CENPE: variants seen among roughly 807,000 people sequenced by gnomAD.
CENPE encodes centromere-associated protein E.
In CENPE, 145 loss-of-function variants were observed where a neutral mutation model predicts 336.1. The ratio of observed to expected loss-of-function variants is 0.43; its 90% confidence interval spans 0.38 to 0.50. The LOEUF (loss-of-function observed/expected upper bound fraction) is 0.50. Among genes scored for constraint, CENPE ranks in the 20% least tolerant of loss-of-function variants. The pLI is 0.00. For synonymous variants in CENPE, 1,013 were observed against 984.8 expected, an observed-to-expected ratio of 1.03 and a Z score of -0.54; for missense variants, 2,719 against 3,023.3, an observed-to-expected ratio of 0.90 and a Z score of 2.36.
At chr4:103,110,169 T>A (rs1336823567) in intron 47 of CENPE, among the ~76,000 whole-genome samples, 1 of 152,172 alleles carries the variant, frequency 6.6e-6, no homozygotes, top group African/African-American at 2.4e-5. Flanking sequence ...CGGAAATCTT[T>A]TGGGTTCCCA....
intron 47 of CENPE, 88 bp from the exon 48 acceptor site, chr4:103,109,177 T>C (rs1485998489): frequency 3.9e-6 from 4 of 1,032,054 alleles, no homozygotes; most frequent in Non-Finnish European, 5.4e-6. Flanking sequence ...TAAAAATAAA[T>C]TGTGATGAAA....
At position 103,120,193 on chromosome 4, in the gene CENPE, T is replaced by C. The variant is rs377592432; in HGVS notation, c.7284A>G (p.Ser2428=). ...IAKLQAKVHE[S]NKCLEKTKET... is the part of the protein sequence containing the mutation. ...CTTTTGTTTTTTCAAGGCATTTATTTGATTCATGAACTTTGGCTTGAAGTT... is the reference window on the plus strand; with the variant it reads ...CTTTTGTTTTTTCAAGGCATTTATTCGATTCATGAACTTTGGCTTGAAGTT... The change falls in exon 44 of 49, where the codon TCA becomes TCG. Residue 2428 remains serine, a synonymous_variant. Coordinates refer to ENST00000265148, the MANE Select transcript of CENPE (RefSeq NM_001813.3). 1 of 1,609,146 alleles carries C rather than the reference T, an allele frequency of 6.2e-7. No homozygotes were observed. The highest frequency in any genetic ancestry group is 1.3e-5 in the African/African-American group (1 of 74,656).
intron 24 of CENPE, among the ~76,000 whole-genome samples, chr4:103,157,059 C>CAAAAAAAAAAA (rs34199706): frequency 1.0e-5 from 1 of 98,034 alleles, no homozygotes; most frequent in Non-Finnish European, 2.1e-5. Context: ...TGGCTACTAT[C>CAAAAAAAAAAA]AAAAAAAAAA....
intron 6 of CENPE, 27 bp downstream of exon 6, chr4:103,194,576 C>A: frequency 6.4e-7 from 1 of 1,566,416 alleles, no homozygotes; most frequent in African/African-American, 1.4e-5. Context: ...TACAAGTGTT[C>A]TAAAGAAATA....
Position 103,139,986 on chromosome 4 carries a change from T to C in CENPE, c.6007A>G (p.Lys2003Glu), listed in dbSNP as rs945594928. The change falls in exon 38 of 49, where the codon AAG becomes GAG. Residue 2003 changes from lysine (K) to glutamate (E), a missense_variant. Lys to Glu is a moderately conservative substitution (Grantham distance 56). Around this residue, in one of 5 missense-constraint regions of CENPE, gnomAD observed 2,437 missense variants for 2,513.3 expected, o/e 0.97. Transcript: ENST00000265148. ...HKKINEMEQL[K>E]KQFEAQNLSM... ...AAGTTTTGGGCCTCAAATTGCTTCT[T>C]CAACTGTTCCATTTCATTAATTTTT... is the stretch of plus-strand genomic sequence containing the variant. The C allele has an allele frequency of 1.2e-5, 19 of 1,613,096 alleles. No individual in the cohort carries two copies. Among genetic ancestry groups the C allele is most frequent in the Non-Finnish European group, 1.5e-5 (18 of 1,179,532 alleles).
chr4:103,131,360 A>C lies in CENPE; in HGVS notation c.6924+1333T>G, dbSNP rs151177910. On this transcript the variant is annotated intron_variant, in intron 42 of 48. Coordinates refer to ENST00000265148, the MANE Select transcript of CENPE (RefSeq NM_001813.3). ...AAAATGTTCAACATCATATGTTATT[A>C]GAGAATTGCAAACTGAATGAGATAC... Among the ~76,000 whole-genome samples the C allele has an allele frequency of 2.4e-3, 363 of 152,330 alleles. 1 individual carries two copies. Among genetic ancestry groups the C allele is most frequent in the Non-Finnish European group, 4.2e-3 (283 of 68,026 alleles).
intron 26 of CENPE, among the ~76,000 whole-genome samples, chr4:103,150,130 A>G (rs1479473359): frequency 3.3e-5 from 5 of 152,244 alleles, no homozygotes; most frequent in Non-Finnish European, 7.3e-5. Flanking sequence ...CACTTCCAAT[A>G]AGATGCTTAT....
At chr4:103,190,433 A>T (rs1263878003) in intron 8 of CENPE, among the ~76,000 whole-genome samples, 1 of 152,238 alleles carries the variant, frequency 6.6e-6, no homozygotes, top group Admixed American at 6.5e-5. Context: ...TGGTACTAGT[A>T]CCAAAACAGA....
At chr4:103,187,259 T>G (rs955452046) in intron 8 of CENPE, among the ~76,000 whole-genome samples, 1 of 152,218 alleles carries the variant, frequency 6.6e-6, no homozygotes. Context: ...CTTGGAGGTT[T>G]GTTCATTACG....
At chr4:103,155,706 A>G (rs1479072783) in intron 24 of CENPE, among the ~76,000 whole-genome samples, 1 of 152,198 alleles carries the variant, frequency 6.6e-6, no homozygotes, top group Non-Finnish European at 1.5e-5. Context: ...GTGAGAGAGA[A>G]GAACTAAAGC....
In CENPE at chr4:103,140,055, G is replaced by T. The variant is rs1242551184; in HGVS notation, c.5938C>A (p.Leu1980Ile). 9.4e-6 allele frequency: 15 copies of T among 1,603,844 alleles called. No homozygotes were observed. Among genetic ancestry groups the T allele is most frequent in the Non-Finnish European group, 1.3e-5 (15 of 1,176,724 alleles). ...KKIQELQKKE[L>I]QLLRVKEDVN... The stretch of plus-strand genomic sequence containing the variant: ...TCTTCTTTCACTCTAAGCAGTTGAA[G>T]TTCTTTTTTCTGAAGTTCTTGGATC... Residue 1980 changes from leucine to isoleucine, a missense_variant, in exon 38 of 49, where the codon CTT becomes ATT. Physicochemically the swap from Leu to Ile is conservative, Grantham distance 5. Coordinates refer to ENST00000265148, the MANE Select transcript of CENPE (RefSeq NM_001813.3).
chr4:103,163,427 TG>T (rs1754628027), intron 17 of CENPE, 51 bp downstream of exon 17: 1 of 1,347,010 alleles, frequency 7.4e-7, no homozygotes, highest in Non-Finnish European at 1.1e-6. Flanking sequence ...ATATGTTGCA[TG>T]TTTTATAGTT....
At chr4:103,140,567 T>A (rs1752461403) in intron 36 of CENPE, among the ~76,000 whole-genome samples, 153 bp from the exon 37 acceptor site, 1 of 152,110 alleles carries the variant, frequency 6.6e-6, no homozygotes, top group African/African-American at 2.4e-5. Context: ...AAAGTAAAAT[T>A]TTCTGCTGGT....
intron 43 of CENPE, 56 bp downstream of exon 43, chr4:103,122,814 CT>C (rs1750753883): frequency 7.7e-7 from 1 of 1,298,278 alleles, no homozygotes. Context: ...TATAATTTTG[CT>C]CTAAACTCTG....
In CENPE at chr4:103,151,198, GA is replaced by G; in HGVS notation, c.3396+20del. On this transcript the variant is annotated intron_variant, in intron 26 of 48. Coordinates refer to ENST00000265148, the MANE Select transcript of CENPE (RefSeq NM_001813.3). ...AGTTTAGTTAGAAAAAATGGCCAGG[GA>G]AATAACTTTAAAAATTCACCTTTTC... 1 of 1,577,838 alleles carries G rather than the reference GA, an allele frequency of 6.3e-7. No homozygotes were observed. The highest frequency in any genetic ancestry group is 8.5e-7 in the Non-Finnish European group (1 of 1,170,652).
At position 103,109,087 on chromosome 4, in the gene CENPE, T is replaced by G. The variant is rs1324565545; in HGVS notation, c.7727A>C (p.Asn2576Thr). Residue 2576 changes from asparagine (N) to threonine (T), a missense_variant and splice_region_variant, in exon 48 of 49, where the codon AAT (asparagine) becomes ACT (threonine). Coordinates refer to ENST00000265148, the MANE Select transcript of CENPE (RefSeq NM_001813.3). Reference protein sequence around the residue: ...LIKQKNELLSNNQHLSNEVKT... With the variant: ...LIKQKNELLSTNQHLSNEVKT... Reference sequence around the variant, plus strand: ...GACCTCATTGGAAAGATGCTGATTATTGCTTAAATGTGGGGGAAGAAAAGA... The same window carrying G: ...GACCTCATTGGAAAGATGCTGATTAGTGCTTAAATGTGGGGGAAGAAAAGA... 3.7e-6 allele frequency: 6 copies of G among 1,605,454 alleles called. No individual in the cohort carries two copies. In the South Asian group the frequency reaches 6.7e-5, roughly 18 times the overall value.
In CENPE at chr4:103,138,293, C is replaced by T. The variant is rs187319523; in HGVS notation, c.6303+58G>A. On this transcript the variant is annotated intron_variant, in intron 39 of 48. Coordinates refer to ENST00000265148, the MANE Select transcript of CENPE (RefSeq NM_001813.3). ...GTTCCTTCAATCCCACTTCAGGTTT[C>T]GGTAAGCCTTTGGAAGACAACCAAT... is the stretch of plus-strand genomic sequence containing the variant. 4.7e-4 allele frequency: 545 copies of T among 1,167,264 alleles called. 6 individuals are homozygous for T. The East Asian group carries it at 6.5e-3, about 14-fold the overall frequency. The allele number at this position is 1,167,264 out of a possible 1,614,324, so 72.3% of individuals were successfully genotyped here. A position where few individuals can be genotyped will look rare whatever the true frequency, so the allele number is the denominator to read the frequency against.
intron 40 of CENPE, among the ~76,000 whole-genome samples, chr4:103,135,617 T>G (rs574069897): frequency 6.6e-6 from 1 of 152,300 alleles, no homozygotes; most frequent in South Asian, 2.1e-4. Context: ...CCACTGTAAC[T>G]GCCTCTTATT....
In CENPE at chr4:103,110,955, C is replaced by T. The variant is rs768814450; in HGVS notation, c.7597G>A (p.Gly2533Ser). The T allele has an allele frequency of 6.2e-7, 1 of 1,612,020 alleles. No individual in the cohort carries two copies. The highest frequency in any genetic ancestry group is 8.5e-7 in the Non-Finnish European group (1 of 1,178,972). Reference sequence around the variant, plus strand: ...TTTGTGTTTTGTACAATGCCGCTGCCACCTCCACAAGTTAAGGGTTTATTT... The same window carrying T: ...TTTGTGTTTTGTACAATGCCGCTGCTACCTCCACAAGTTAAGGGTTTATTT... ...PSNKPLTCGGGSGIVQNTKAL... is the reference protein window; with the variant it reads ...PSNKPLTCGGSSGIVQNTKAL... Residue 2533 changes from glycine to serine, a missense_variant, in exon 47 of 49, where the codon GGC (glycine) becomes AGC (serine). Transcript: ENST00000265148.
Sources: allele counts gnomAD v4.1 joint callset (sites outside exome capture counted in the v4.1 genomes callset), GRCh38; gene constraint gnomAD v4.1.1; regional missense constraint gnomAD v4.1.1; transcripts MANE v1.5; gene names NCBI Gene and HGNC (gene_info 2026-07-23, HGNC 2026-07-21).